The following KIF5C variants were observed in gnomAD, a reference collection of about 807,000 sequenced individuals.
KIF5C encodes the protein kinesin family member 5C.
A neutral mutation model predicts 125.2 loss-of-function variants in KIF5C; 18 were observed. The observed-to-expected ratio is 0.14, with a 90% confidence interval of 0.10 to 0.21. The LOEUF is 0.21. Ranked by LOEUF, KIF5C falls within the 10% of genes least tolerant of loss-of-function variation. The pLI, the probability that KIF5C is intolerant of heterozygous loss-of-function variation, is 1.00. For synonymous variants in KIF5C, 405 were observed against 434.0 expected, an observed-to-expected ratio of 0.93 and a Z score of 0.83; for missense variants, 780 against 1,183.8, an observed-to-expected ratio of 0.66 and a Z score of 5.01.
intron 1 of KIF5C, among the ~76,000 whole-genome samples, chr2:148,908,915 CATG>C (rs1312827778): frequency 2.0e-5 from 3 of 152,200 alleles, no homozygotes; most frequent in Non-Finnish European, 4.4e-5. Context: ...ATGTTATCTA[CATG>C]ATGAGGCCAG....
Position 148,946,328 on chromosome 2 carries a change from A to C in KIF5C, c.590-571A>C, listed in dbSNP as rs550582781. On this transcript the variant is annotated intron_variant, in intron 7 of 25. Coordinates refer to ENST00000435030, the MANE Select transcript of KIF5C (RefSeq NM_004522.3). ...TGGCAGACAAAGACGAGGATTTGCAAGGATTTTTATTTCCAGTACCCCATC... is the reference window on the plus strand; with the variant it reads ...TGGCAGACAAAGACGAGGATTTGCACGGATTTTTATTTCCAGTACCCCATC... Among the ~76,000 whole-genome samples the C allele has an allele frequency of 2.6e-5, 4 of 152,316 alleles. No homozygotes were observed. In the South Asian group the frequency reaches 8.3e-4, roughly 32 times the overall value.
intron 1 of KIF5C, among the ~76,000 whole-genome samples, chr2:148,880,028 G>A (rs901974505): frequency 2.6e-5 from 4 of 152,172 alleles, no homozygotes; most frequent in Admixed American, 2.6e-4. Context: ...AAGAAATACA[G>A]CTACACCTTA....
chr2:148,978,334 G>GTTTT lies in KIF5C; in HGVS notation c.1294-563_1294-560dup, dbSNP rs71406035. Among the ~76,000 whole-genome samples, 50 of 78,650 alleles carry GTTTT rather than the reference G, an allele frequency of 6.4e-4. 2 individuals carry two copies. Among genetic ancestry groups the GTTTT allele is most frequent in the African/African-American group, 1.3e-3 (28 of 21,470 alleles). The allele number at this position is 78,650 out of a possible 152,430, so 51.6% of individuals were successfully genotyped here. On this transcript the variant is annotated intron_variant, in intron 12 of 25. Coordinates refer to ENST00000435030, the MANE Select transcript of KIF5C (RefSeq NM_004522.3). ...GCTTCTGTCCCTCAGCTGCCCTGAG[G>GTTTT]TTTTTTTTTTTTTTTTTTTTTTTTT... is the stretch of plus-strand genomic sequence containing the variant.
chr2:149,016,803 G>A (rs189645535), intron 25 of KIF5C, among the ~76,000 whole-genome samples: 2 of 152,298 alleles, frequency 1.3e-5, no homozygotes, highest in African/African-American at 2.4e-5. Flanking sequence ...TATGGCCACA[G>A]GTCTGAAGGA....
In KIF5C at chr2:148,875,754, G is replaced by T; in HGVS notation, c.126+11G>T. The T allele has an allele frequency of 1.2e-6, 2 of 1,600,842 alleles. No homozygotes were observed. The highest frequency in any genetic ancestry group is 2.3e-5 in the East Asian group (1 of 44,296). Reference sequence around the variant, plus strand: ...ACCGTGGTGATCGGGGTAAGTGGCTGGGGCGTCTGCCTTCCCTGCTGCTCC... The same window carrying T: ...ACCGTGGTGATCGGGGTAAGTGGCTTGGGCGTCTGCCTTCCCTGCTGCTCC... On this transcript the variant is annotated intron_variant, in intron 1 of 25. Transcript: ENST00000435030.
intron 14 of KIF5C, among the ~76,000 whole-genome samples, chr2:148,982,315 G>A (rs1681258075): frequency 1.3e-5 from 2 of 152,216 alleles, no homozygotes; most frequent in Admixed American, 1.3e-4. Flanking sequence ...GTGAATGTTT[G>A]GCATGGCGGG....
chr2:149,006,354 C>A (rs1445339545), intron 22 of KIF5C, among the ~76,000 whole-genome samples: 4 of 152,034 alleles, frequency 2.6e-5, no homozygotes, highest in African/African-American at 9.7e-5. Flanking sequence ...AGGAGGGACA[C>A]AAATTCCTAG....
rs538569898 is a variant in KIF5C, at chr2:148,914,331, T to C, written c.127-7806T>C. Among the ~76,000 whole-genome samples, 26 of 152,386 alleles carry C rather than the reference T, an allele frequency of 1.7e-4. No individual in the cohort carries two copies. In the South Asian group the frequency reaches 5.4e-3, roughly 32 times the overall value. On this transcript the variant is annotated intron_variant, in intron 1 of 25. Transcript: ENST00000435030. ...CACATACACATAAGAACCTTATTTT[T>C]GAGGCACAGGTTCCATTATTCTCTT...
chr2:148,983,568 T>C, intron 14 of KIF5C, 52 bp from the exon 15 acceptor site: 1 of 1,495,538 alleles, frequency 6.7e-7, no homozygotes, highest in Non-Finnish European at 9.0e-7. Flanking sequence ...ATGTGGAGTG[T>C]ATGAAATTGA....
intron 3 of KIF5C, among the ~76,000 whole-genome samples, chr2:148,935,614 A>C (rs529114605): frequency 6.2e-4 from 95 of 152,328 alleles, no homozygotes; most frequent in South Asian, 1.7e-3. Context: ...GTCATTTGGC[A>C]CTGTTTTCTT....
At chr2:148,987,453 AAG>A (rs1681409487) in intron 15 of KIF5C, among the ~76,000 whole-genome samples, 1 of 152,090 alleles carries the variant, frequency 6.6e-6, no homozygotes, top group Admixed American at 6.5e-5. Flanking sequence ...GAAATTGCAA[AAG>A]AGAGGGGCAG....
At chr2:148,985,183 A>G (rs988367447) in intron 15 of KIF5C, among the ~76,000 whole-genome samples, 58 of 152,162 alleles carry the variant, frequency 3.8e-4, no homozygotes, top group Admixed American at 6.6e-5. Flanking sequence ...CTAGGAATAG[A>G]AGGAAGAGAT....
rs931824450 is a variant in KIF5C at position 148,963,335 on chromosome 2, G to C, written c.1117+1216G>C. Among the ~76,000 whole-genome samples, 5 of 152,076 alleles carry C rather than the reference G, an allele frequency of 3.3e-5. No individual in the cohort carries two copies. In the South Asian group the frequency reaches 1.0e-3, roughly 32 times the overall value. On this transcript the variant is annotated intron_variant, in intron 11 of 25. Transcript: ENST00000435030. ...GCCCGGGGGCTGTTGTGCAGGATTG[G>C]GAGGTAATGCTGACTGTAACTGCAG...
intron 11 of KIF5C, among the ~76,000 whole-genome samples, chr2:148,972,693 C>CA (rs1034325091): frequency 1.4e-4 from 21 of 152,290 alleles, no homozygotes; most frequent in African/African-American, 4.3e-4. Flanking sequence ...CCTGATATCA[C>CA]AGTAGGTTAT....
At chr2:148,922,376 C>G (rs778704011) in intron 2 of KIF5C, 149 bp downstream of exon 2, 4 of 532,354 alleles carry the variant, frequency 7.5e-6, no homozygotes, top group Non-Finnish European at 1.3e-5. Flanking sequence ...GGTTCTAGCC[C>G]TGATTTGCTA....
At chr2:149,003,121 C>T (rs553358687) in intron 21 of KIF5C, among the ~76,000 whole-genome samples, 1 of 152,336 alleles carries the variant, frequency 6.6e-6, no homozygotes, top group Admixed American at 6.5e-5. Context: ...TTTAAAAATC[C>T]AAGAGTGGAG....
intron 21 of KIF5C, among the ~76,000 whole-genome samples, chr2:149,002,438 G>A (rs888492846): frequency 7.9e-5 from 12 of 152,084 alleles, no homozygotes; most frequent in African/African-American, 1.2e-4. Flanking sequence ...ATGCCTCTGC[G>A]CAGCCGCACT....
rs887135524 is a variant in KIF5C at position 148,933,808 on chromosome 2, A to G, written c.292-3476A>G. On this transcript the variant is annotated intron_variant, in intron 3 of 25. Transcript: ENST00000435030. ...CACATACCCCCCATATACATGATAC[A>G]CACACAGACATATGCACACCAAACA... 7.3e-3 allele frequency among the ~76,000 whole-genome samples: 1,104 copies of G among 151,244 alleles called. 19 individuals carry two copies. Among genetic ancestry groups the G allele is most frequent in the African/African-American group, 0.026 (1,061 of 41,132 alleles).
intron 3 of KIF5C, among the ~76,000 whole-genome samples, chr2:148,932,928 T>G (rs1343799737): frequency 6.6e-6 from 1 of 152,116 alleles, no homozygotes; most frequent in African/African-American, 2.4e-5. Context: ...TGGGTCTTGT[T>G]TCTTCTTTCA....
Sources: allele counts gnomAD v4.1 joint callset (sites outside exome capture counted in the v4.1 genomes callset), GRCh38; gene constraint gnomAD v4.1.1; transcripts MANE v1.5; gene names NCBI Gene and HGNC (gene_info 2026-07-23, HGNC 2026-07-21).